The following LRP1B variants were observed in gnomAD, a reference collection of about 807,000 sequenced individuals.
LRP1B encodes low-density lipoprotein receptor-related protein 1B.
LRP1B carries 217 observed loss-of-function variants against 556.6 expected under a neutral mutation model. The ratio of observed to expected loss-of-function variants is 0.39; its 90% CI spans 0.35 to 0.44. The LOEUF (loss-of-function observed/expected upper bound fraction) is 0.44, where lower values mean the gene tolerates loss of function less well. Among genes scored for constraint, LRP1B ranks in the 20% least tolerant of loss-of-function variants. The probability of loss-of-function intolerance (pLI) is 1.00; values close to 1 mark genes in which losing one functional copy is unlikely to be tolerated. For synonymous variants in LRP1B, 2,047 were observed against 1,865.8 expected (o/e 1.10, Z -2.50); for missense variants, 5,053 against 5,620.8 (o/e 0.90, Z 3.23).
chr2:141,087,249 T>C (rs3845639), intron 7 of LRP1B, among the ~76,000 whole-genome samples: 118,719 of 151,722 alleles, frequency 0.78, 46,610 homozygotes, highest in East Asian at 0.86. Flanking sequence ...TTCTGATTTG[T>C]GGTCCGTCTT....
intron 43 of LRP1B, among the ~76,000 whole-genome samples, chr2:140,579,599 T>C (rs1681678054): frequency 6.6e-6 from 1 of 152,064 alleles, no homozygotes; most frequent in Non-Finnish European, 1.5e-5. Flanking sequence ...CTCAGCCCTT[T>C]GGGATGCCGA....
chr2:142,040,763 A>T (rs1243426056), intron 1 of LRP1B, among the ~76,000 whole-genome samples: 1 of 151,398 alleles, frequency 6.6e-6, no homozygotes, highest in Non-Finnish European at 1.5e-5. Flanking sequence ...TTCAAAGGAA[A>T]TGGAAGACTG....
chr2:141,048,868 T>C (rs1294060454), intron 11 of LRP1B, 118 bp downstream of exon 11: 13 of 762,720 alleles, frequency 1.7e-5, no homozygotes, highest in Non-Finnish European at 2.7e-5. Context: ...AAAAATATTT[T>C]TGAACCAACC....
intron 32 of LRP1B, among the ~76,000 whole-genome samples, chr2:140,813,249 C>T (rs1457825835): frequency 1.3e-5 from 2 of 151,926 alleles, no homozygotes; most frequent in African/African-American, 4.8e-5. Context: ...TCAAATGGAC[C>T]CTGTTGTCTT....
At chr2:141,632,695 G>A (rs1688955843) in intron 2 of LRP1B, among the ~76,000 whole-genome samples, 1 of 151,906 alleles carries the variant, frequency 6.6e-6, no homozygotes, top group Non-Finnish European at 1.5e-5. Context: ...AATGGGGTTG[G>A]CATATAATGT....
In LRP1B at chr2:141,826,250, T is replaced by C. The variant is rs372774190; in HGVS notation, c.83-15849A>G. On this transcript the variant is annotated intron_variant, in intron 1 of 90. Transcript: ENST00000389484. The stretch of plus-strand genomic sequence containing the variant: ...ATTGTTCTGTATATTCCCATTTTAC[T>C]TAAATATTTTAAATTTACCTTCATA... Among the ~76,000 whole-genome samples, 26 of 151,882 alleles carry C rather than the reference T, an allele frequency of 1.7e-4. No individual in the cohort carries two copies. The East Asian group carries it at 1.9e-3, about 11-fold the overall frequency.
chr2:141,555,275 C>T (rs546430030), intron 2 of LRP1B, among the ~76,000 whole-genome samples: 2 of 151,958 alleles, frequency 1.3e-5, no homozygotes, highest in African/African-American at 2.4e-5. Context: ...CAGAGGAAGT[C>T]ATGAAATGCT....
At chr2:141,644,212 A>G (rs1473363312) in intron 2 of LRP1B, among the ~76,000 whole-genome samples, 2 of 152,042 alleles carry the variant, frequency 1.3e-5, no homozygotes, top group African/African-American at 4.8e-5. Flanking sequence ...TAACTCTCAC[A>G]ATTCCCATGT....
chr2:141,224,305 G>A (rs751450915), intron 6 of LRP1B, among the ~76,000 whole-genome samples: 4 of 152,200 alleles, frequency 2.6e-5, no homozygotes, highest in South Asian at 2.1e-4. Flanking sequence ...ACCATCTCAC[G>A]CCAGTCAGAA....
chr2:141,415,002 A>G (rs1208710783), intron 3 of LRP1B, among the ~76,000 whole-genome samples: 1 of 151,310 alleles, frequency 6.6e-6, no homozygotes, highest in Non-Finnish European at 1.5e-5. Context: ...ACTCATTTCT[A>G]ATGTACTTTT....
At chr2:141,074,427 A>C (rs1699726755) in intron 7 of LRP1B, among the ~76,000 whole-genome samples, 1 of 151,942 alleles carries the variant, frequency 6.6e-6, no homozygotes, top group South Asian at 2.1e-4. Context: ...CATAAAATAG[A>C]TACAAACACA....
intron 3 of LRP1B, among the ~76,000 whole-genome samples, chr2:141,380,031 G>T (rs561808925): frequency 3.3e-5 from 5 of 152,230 alleles, no homozygotes; most frequent in South Asian, 4.1e-4. Flanking sequence ...TCCTTGAAAA[G>T]AATTCAACTA....
intron 5 of LRP1B, among the ~76,000 whole-genome samples, chr2:141,239,225 C>G (rs1228928754): frequency 6.6e-6 from 1 of 152,068 alleles, no homozygotes; most frequent in African/African-American, 2.4e-5. Flanking sequence ...TTCAAGGAGA[C>G]AGTTGTCAGT....
At chr2:140,516,297 A>G (rs1467026506) in intron 50 of LRP1B, among the ~76,000 whole-genome samples, 2 of 152,090 alleles carry the variant, frequency 1.3e-5, no homozygotes, top group Admixed American at 6.5e-5. Flanking sequence ...AATAAAATAT[A>G]ATACAAATAA....
At chr2:140,795,690 C>T (rs960293832) in intron 32 of LRP1B, among the ~76,000 whole-genome samples, 1 of 152,036 alleles carries the variant, frequency 6.6e-6, no homozygotes, top group East Asian at 1.9e-4. Context: ...TAACAAGAGG[C>T]CATCTACCTA....
chr2:141,017,880 C>T (rs1330992116), intron 12 of LRP1B, among the ~76,000 whole-genome samples: 1 of 151,672 alleles, frequency 6.6e-6, no homozygotes, highest in Non-Finnish European at 1.5e-5. Flanking sequence ...GCCTGTAATT[C>T]CAGCTAGTCT....
rs570113016 is a variant in LRP1B at position 141,583,991 on chromosome 2, G to A, written c.206-103458C>T. On this transcript the variant is annotated intron_variant, in intron 2 of 90. Transcript: ENST00000389484. ...CTGATCTCATTGAACAGGCTGAGTCGCAGCAGAAAATTTTTGTGGCAGCCG... is the reference window on the plus strand; with the variant it reads ...CTGATCTCATTGAACAGGCTGAGTCACAGCAGAAAATTTTTGTGGCAGCCG... Among the ~76,000 whole-genome samples, 17 of 151,824 alleles carry A rather than the reference G, an allele frequency of 1.1e-4. No homozygotes were observed. The South Asian group carries it at 2.3e-3, about 20-fold the overall frequency.
At position 141,152,804 on chromosome 2, in the gene LRP1B, G is replaced by A. The variant is rs1160893052; in HGVS notation, c.1013+35617C>T. 1.9e-4 allele frequency among the ~76,000 whole-genome samples: 28 copies of A among 151,066 alleles called. 1 individual carries two copies. The Admixed American group carries it at 1.9e-3, about 10-fold the overall frequency. On this transcript the variant is annotated intron_variant, in intron 7 of 90. Transcript: ENST00000389484. ...TCGGTTAAATTCTTTGTTGTGTATG[G>A]GCAAAGTACATTTTTACATGTCTTT...
chr2:140,425,561 C>A (rs901569930), intron 66 of LRP1B, among the ~76,000 whole-genome samples: 3 of 152,168 alleles, frequency 2.0e-5, no homozygotes, highest in Admixed American at 6.5e-5. Context: ...AAGGTACCCA[C>A]AACCACACCT....
Sources: gnomAD v4.1 joint callset for allele counts (sites outside exome capture counted in the v4.1 genomes callset) on GRCh38, gnomAD v4.1.1 for gene constraint, MANE v1.5 for transcripts, NCBI Gene and HGNC (gene_info 2026-07-23, HGNC 2026-07-21) for gene names.